The following GRID1 variants were observed in gnomAD, a reference collection of about 807,000 sequenced individuals.
The protein encoded by GRID1 is glutamate receptor ionotropic, delta-1.
A neutral mutation model predicts 98.0 loss-of-function variants in GRID1; 28 were observed. The ratio of observed to expected loss-of-function variants is 0.29; its 90% CI spans 0.21 to 0.39. The LOEUF (loss-of-function observed/expected upper bound fraction) is 0.39. Ranked by LOEUF, GRID1 falls within the 10% of genes least tolerant of loss-of-function variation. GRID1 has a pLI of 1.00. For synonymous variants in GRID1, 553 were observed against 538.5 expected (o/e 1.03, Z -0.37); for missense variants, 1,111 against 1,340.5 (o/e 0.83, Z 2.67).
intron 4 of GRID1, among the ~76,000 whole-genome samples, chr10:86,129,205 G>T (rs1007111814): frequency 3.9e-5 from 6 of 152,208 alleles, no homozygotes; most frequent in South Asian, 2.1e-4. Flanking sequence ...GAGGACTGGG[G>T]GTTGTCCCCA....
chr10:85,702,428 T>G (rs1047220365), intron 12 of GRID1, among the ~76,000 whole-genome samples: 2 of 152,088 alleles, frequency 1.3e-5, no homozygotes, highest in African/African-American at 2.4e-5. Flanking sequence ...GTGACAGATG[T>G]GGAGTAATCA....
intron 8 of GRID1, among the ~76,000 whole-genome samples, chr10:85,833,052 C>T (rs1270290930): frequency 6.6e-6 from 1 of 152,172 alleles, no homozygotes; most frequent in Non-Finnish European, 1.5e-5. Context: ...CTCCACACCC[C>T]CACTGAGAGA....
At chr10:86,134,511 T>C (rs541483562) in intron 4 of GRID1, among the ~76,000 whole-genome samples, 21 of 152,166 alleles carry the variant, frequency 1.4e-4, no homozygotes, top group Non-Finnish European at 2.5e-4. Context: ...ACATGTAAAC[T>C]GTAGGGCGTT....
intron 4 of GRID1, among the ~76,000 whole-genome samples, chr10:86,014,196 C>T (rs1394501467): frequency 1.3e-5 from 2 of 152,220 alleles, no homozygotes; most frequent in Non-Finnish European, 2.9e-5. Flanking sequence ...CTGTATGGAA[C>T]TCACACAAGT....
intron 4 of GRID1, among the ~76,000 whole-genome samples, chr10:86,062,665 G>A (rs934347956): frequency 7.9e-5 from 12 of 152,144 alleles, no homozygotes; most frequent in African/African-American, 2.7e-4. Context: ...CAGAGCCATC[G>A]CCACTATGCC....
chr10:85,812,700 G>A (rs1842682462), intron 8 of GRID1, among the ~76,000 whole-genome samples: 1 of 151,590 alleles, frequency 6.6e-6, no homozygotes, highest in South Asian at 2.1e-4. Context: ...GATTGTGAAT[G>A]AAAGTCAAAA....
At chr10:85,651,291 C>T (rs1358328070) in intron 12 of GRID1, among the ~76,000 whole-genome samples, 1 of 152,222 alleles carries the variant, frequency 6.6e-6, no homozygotes, top group African/African-American at 2.4e-5. Flanking sequence ...GGTTGGAACA[C>T]TGTGCTCATG....
intron 5 of GRID1, among the ~76,000 whole-genome samples, chr10:85,914,704 A>G (rs1380586871): frequency 1.3e-5 from 2 of 152,220 alleles, no homozygotes; most frequent in Non-Finnish European, 2.9e-5. Context: ...ACCCAAGACT[A>G]TTTCAGCCAT....
chr10:86,120,692 TTTAA>T (rs1476830343), intron 4 of GRID1, among the ~76,000 whole-genome samples: 2 of 152,246 alleles, frequency 1.3e-5, no homozygotes, highest in East Asian at 3.8e-4. Flanking sequence ...GATTACTAGA[TTTAA>T]TTATAACAGA....
At chr10:85,903,684 C>A (rs1049833657) in intron 5 of GRID1, among the ~76,000 whole-genome samples, 9 of 152,176 alleles carry the variant, frequency 5.9e-5, no homozygotes, top group African/African-American at 2.2e-4. Context: ...ATGACCTGGC[C>A]TCCTGCCATG....
chr10:85,682,443 TAAA>T (rs748497246), intron 12 of GRID1, among the ~76,000 whole-genome samples: 57 of 152,124 alleles, frequency 3.7e-4, no homozygotes, highest in Non-Finnish European at 7.2e-4. Flanking sequence ...CAAAAATAGG[TAAA>T]TACATAAATG....
intron 4 of GRID1, among the ~76,000 whole-genome samples, chr10:86,041,653 C>T (rs1843347019): frequency 6.6e-6 from 1 of 152,146 alleles, no homozygotes; most frequent in Admixed American, 6.5e-5. Flanking sequence ...GGACAGGTCC[C>T]CTGACCATCA....
intron 8 of GRID1, among the ~76,000 whole-genome samples, chr10:85,756,895 A>G (rs780984423): frequency 3.3e-5 from 5 of 152,164 alleles, no homozygotes; most frequent in Non-Finnish European, 5.9e-5. Flanking sequence ...AAGACAACCT[A>G]ATGAGGTAGG....
chr10:85,656,868 G>C (rs1033384294), intron 12 of GRID1, among the ~76,000 whole-genome samples: 1 of 152,084 alleles, frequency 6.6e-6, no homozygotes, highest in African/African-American at 2.4e-5. Context: ...TATTCCCTAG[G>C]AAGGCCAAGC....
intron 9 of GRID1, among the ~76,000 whole-genome samples, chr10:85,729,017 T>A (rs1181876238): frequency 1.3e-5 from 2 of 152,172 alleles, no homozygotes; most frequent in East Asian, 3.9e-4. Flanking sequence ...AATGCAAAAG[T>A]CTATGATTCC....
At chr10:85,620,094 G>A in intron 13 of GRID1, 61 bp from the exon 14 acceptor site, 1 of 1,427,514 alleles carries the variant, frequency 7.0e-7, no homozygotes, top group Non-Finnish European at 9.8e-7. Flanking sequence ...AGCTTTGATT[G>A]GTGAGCCATC....
At chr10:86,123,683 A>G (rs1329061652) in intron 4 of GRID1, among the ~76,000 whole-genome samples, 2 of 152,142 alleles carry the variant, frequency 1.3e-5, no homozygotes, top group African/African-American at 4.8e-5. Context: ...GCTTCTCCGA[A>G]TTCCCTGCTG....
rs1162030685 is a variant in GRID1, at chr10:85,634,291, T to TCTCTCTCTCTCTCTCA, written c.2193+12910_2193+12911insTGAGAGAGAGAGAGAG. ...CTCTCTCTCTCTCTCTCTCTCTCTC[T>TCTCTCTCTCTCTCTCA]CACACACACACACACACACACACAG... On this transcript the variant is annotated intron_variant, in intron 13 of 15. Transcript: ENST00000327946. 2.2e-3 allele frequency among the ~76,000 whole-genome samples: 229 copies of TCTCTCTCTCTCTCTCA among 102,936 alleles called. 1 individual carries two copies. Among genetic ancestry groups the TCTCTCTCTCTCTCTCA allele is most frequent in the African/African-American group, 8.0e-3 (194 of 24,390 alleles). The allele number at this position is 102,936 out of a possible 152,430, so 67.5% of individuals were successfully genotyped here. A position where few individuals can be genotyped will look rare whatever the true frequency, so the allele number is the denominator to read the frequency against.
chr10:86,269,002 A>T (rs189286180), intron 2 of GRID1, among the ~76,000 whole-genome samples: 114 of 151,320 alleles, frequency 7.5e-4, no homozygotes, highest in Admixed American at 1.3e-3. Context: ...AAAAAAATGA[A>T]AAGAAAGATT....
Sources: gnomAD v4.1 joint callset for allele counts (sites outside exome capture counted in the v4.1 genomes callset) on GRCh38, gnomAD v4.1.1 for gene constraint, MANE v1.5 for transcripts, NCBI Gene and HGNC (gene_info 2026-07-23, HGNC 2026-07-21) for gene names.